The following MSRA variants were observed in gnomAD, a reference collection of about 807,000 sequenced individuals.
The protein encoded by MSRA is mitochondrial peptide methionine sulfoxide reductase.
In MSRA, 54 loss-of-function variants were observed where a neutral mutation model predicts 31.3. The observed-to-expected ratio is 1.73, with a 90% CI of 1.39 to 2.17. The LOEUF (loss-of-function observed/expected upper bound fraction) is 2.17, where lower values mean the gene tolerates loss of function less well. Among genes scored for constraint, MSRA ranks in the 30% most tolerant of loss-of-function variants. The pLI, the probability that MSRA is intolerant of heterozygous loss-of-function variation, is 0.00. For missense variants in MSRA, 507 were observed against 300.9 expected (o/e 1.69, Z -5.07); for synonymous variants, 169 against 116.5 (o/e 1.45, Z -2.90).
At chr8:10,223,999 G>T (rs550558088) in intron 2 of MSRA, among the ~76,000 whole-genome samples, 1 of 152,114 alleles carries the variant, frequency 6.6e-6, no homozygotes, top group Non-Finnish European at 1.5e-5. Context: ...AACTAGTTCT[G>T]GGTCCATGGC....
intron 1 of MSRA, among the ~76,000 whole-genome samples, chr8:10,132,213 T>G (rs972152112): frequency 4.6e-5 from 7 of 152,244 alleles, no homozygotes; most frequent in African/African-American, 1.4e-4. Flanking sequence ...CCGAGGAAGT[T>G]AATTCTCCCC....
At position 10,147,418 on chromosome 8, in the gene MSRA, A is replaced by T. The variant is rs140918119; in HGVS notation, c.143-60415A>T. Among the ~76,000 whole-genome samples the T allele has an allele frequency of 4.7e-3, 711 of 152,096 alleles. 2 individuals carry two copies. The highest frequency in any genetic ancestry group is 8.5e-3 in the East Asian group (44 of 5,156). ...AGACCTTCACCACGTAGGCCTCACC[A>T]CCTCTGTCCCCATGTCCTCACAACG... On this transcript the variant is annotated intron_variant, in intron 1 of 5. Transcript: ENST00000317173.
chr8:10,092,236 T>C (rs1392809926), intron 1 of MSRA, among the ~76,000 whole-genome samples: 2 of 152,210 alleles, frequency 1.3e-5, no homozygotes, highest in Non-Finnish European at 2.9e-5. Flanking sequence ...TTTTTTGGTC[T>C]GTATTGAGTT....
intron 1 of MSRA, among the ~76,000 whole-genome samples, chr8:10,143,339 C>G (rs1376526951): frequency 1.3e-5 from 2 of 152,142 alleles, no homozygotes; most frequent in Non-Finnish European, 2.9e-5. Flanking sequence ...TAAGAGAACA[C>G]AGAAAGCCAA....
intron 5 of MSRA, among the ~76,000 whole-genome samples, chr8:10,348,357 CTTTTTTTTTTTT>C (rs34083972): frequency 4.7e-5 from 3 of 64,272 alleles, no homozygotes; most frequent in African/African-American, 6.6e-5. Context: ...AAATTATTGC[CTTTTTTTTTTTT>C]TTTTTTTTTT....
intron 3 of MSRA, among the ~76,000 whole-genome samples, chr8:10,250,090 T>G (rs1294818267): frequency 6.6e-6 from 1 of 152,198 alleles, no homozygotes; most frequent in Non-Finnish European, 1.5e-5. Context: ...GAAGTTGGGC[T>G]GACACTGGTT....
chr8:10,385,519 A>T (rs1241195991), intron 5 of MSRA, among the ~76,000 whole-genome samples: 1 of 152,002 alleles, frequency 6.6e-6, no homozygotes, highest in Non-Finnish European at 1.5e-5. Context: ...GATGGGTTTG[A>T]CCTTGACAAT....
intron 1 of MSRA, among the ~76,000 whole-genome samples, chr8:10,132,773 G>C (rs915561596): frequency 1.1e-4 from 17 of 152,208 alleles, no homozygotes; most frequent in Admixed American, 2.0e-4. Context: ...ACTGTGATAG[G>C]ATCAGAAAGG....
chr8:10,092,427 G>C (rs555845607), intron 1 of MSRA, among the ~76,000 whole-genome samples: 1 of 152,290 alleles, frequency 6.6e-6, no homozygotes, highest in African/African-American at 2.4e-5. Context: ...GGGAGGCCGA[G>C]GTGGGCAGAT....
At chr8:10,208,273 C>T (rs778764190) in intron 2 of MSRA, among the ~76,000 whole-genome samples, 1 of 151,542 alleles carries the variant, frequency 6.6e-6, no homozygotes, top group Non-Finnish European at 1.5e-5. Flanking sequence ...GTAGTTTTGA[C>T]TTATTATTAC....
intron 1 of MSRA, among the ~76,000 whole-genome samples, chr8:10,105,062 A>G (rs1191747113): frequency 6.6e-6 from 1 of 152,164 alleles, no homozygotes; most frequent in South Asian, 2.1e-4. Flanking sequence ...AATATTGGTA[A>G]TTTAGATTTC....
intron 5 of MSRA, among the ~76,000 whole-genome samples, chr8:10,342,161 G>C (rs922641219): frequency 1.3e-5 from 2 of 152,202 alleles, no homozygotes; most frequent in African/African-American, 4.8e-5. Flanking sequence ...TCAGTGTGTT[G>C]AGATTTTTCC....
chr8:10,134,291 T>TG (rs1010974402), intron 1 of MSRA, among the ~76,000 whole-genome samples: 3 of 152,052 alleles, frequency 2.0e-5, no homozygotes, highest in African/African-American at 7.2e-5. Flanking sequence ...CGTAAGACAA[T>TG]GGGAAAAAAG....
chr8:10,282,856 C>T (rs1004590287), intron 3 of MSRA, among the ~76,000 whole-genome samples: 1 of 152,168 alleles, frequency 6.6e-6, no homozygotes, highest in Non-Finnish European at 1.5e-5. Flanking sequence ...AAGCAGGTTA[C>T]TTCATCAGCT....
rs142235133 is a variant in MSRA at position 10,189,695 on chromosome 8, G to C, written c.143-18138G>C. ...TGAATTCCTTGGATGAATCCCACTT[G>C]GCCATGATTGTTATACTTTTTATAT... On this transcript the variant is annotated intron_variant, in intron 1 of 5. Coordinates refer to ENST00000317173, the MANE Select transcript of MSRA (RefSeq NM_012331.5). 6.6e-3 allele frequency among the ~76,000 whole-genome samples: 1,006 copies of C among 151,942 alleles called. 22 individuals are homozygous for C. Among genetic ancestry groups the C allele is most frequent in the African/African-American group, 0.023 (936 of 41,432 alleles).
At chr8:10,416,444 G>T (rs781535019) in intron 5 of MSRA, among the ~76,000 whole-genome samples, 8 of 152,220 alleles carry the variant, frequency 5.3e-5, no homozygotes, top group Admixed American at 1.3e-4. Context: ...TGCTCCCAGC[G>T]TGGGTTTGTC....
chr8:10,422,563 C>T (rs1052462189), intron 5 of MSRA, among the ~76,000 whole-genome samples: 1 of 152,196 alleles, frequency 6.6e-6, no homozygotes, highest in South Asian at 2.1e-4. Context: ...GTCCTGCTGA[C>T]TTCTTTCTAA....
intron 1 of MSRA, among the ~76,000 whole-genome samples, chr8:10,077,952 A>T (rs1311695672): frequency 6.6e-6 from 1 of 152,206 alleles, no homozygotes; most frequent in African/African-American, 2.4e-5. Context: ...CCCTAATATT[A>T]GTGAAAATAT....
intron 3 of MSRA, among the ~76,000 whole-genome samples, chr8:10,247,913 C>G (rs537388934): frequency 6.6e-6 from 1 of 152,262 alleles, no homozygotes; most frequent in South Asian, 2.1e-4. Flanking sequence ...CAAATAAGGT[C>G]CCTCGCTAGA....
Sources: gnomAD v4.1 joint callset for allele counts (sites outside exome capture counted in the v4.1 genomes callset) on GRCh38, gnomAD v4.1.1 for gene constraint, MANE v1.5 for transcripts, NCBI Gene and HGNC (gene_info 2026-07-23, HGNC 2026-07-21) for gene names.